Variants in CACNA2D2 observed in about 807,000 individuals in gnomAD.
The protein encoded by CACNA2D2 is voltage-dependent calcium channel subunit alpha-2/delta-2.
A neutral mutation model predicts 166.4 loss-of-function variants in CACNA2D2; 48 were observed. The observed-to-expected ratio is 0.29, with a 90% CI of 0.23 to 0.37. The LOEUF is 0.37. CACNA2D2 is among the 10% of genes least tolerant of loss of function. The pLI is 1.00. For missense variants in CACNA2D2, 1,122 were observed against 1,433.0 expected, an observed-to-expected ratio of 0.78 and a Z score of 3.50; for synonymous variants, 561 against 573.7, an observed-to-expected ratio of 0.98 and a Z score of 0.32.
At chr3:50,389,595 C>A (rs1705788279) in intron 4 of CACNA2D2, among the ~76,000 whole-genome samples, 2 of 152,220 alleles carry the variant, frequency 1.3e-5, no homozygotes, top group South Asian at 2.1e-4. Flanking sequence ...CCTGCCTGCA[C>A]CTGGGTCAAC....
chr3:50,382,793 T>C (rs925605274), intron 6 of CACNA2D2, among the ~76,000 whole-genome samples: 2 of 152,182 alleles, frequency 1.3e-5, no homozygotes, highest in Non-Finnish European at 1.5e-5. Context: ...ATGACAGGCT[T>C]AGAGCAGAGG....
intron 4 of CACNA2D2, among the ~76,000 whole-genome samples, chr3:50,392,887 G>C (rs920176329): frequency 6.6e-6 from 1 of 152,178 alleles, no homozygotes; most frequent in Non-Finnish European, 1.5e-5. Flanking sequence ...GGAGTAACTA[G>C]CTCATTCATT....
intron 22 of CACNA2D2, among the ~76,000 whole-genome samples, chr3:50,373,739 G>A (rs1003453432): frequency 7.3e-6 from 1 of 137,862 alleles, no homozygotes; most frequent in Admixed American, 7.3e-5. Context: ...GGGAGAGAGG[G>A]AAGAAGAGAG....
chr3:50,432,839 G>A (rs1708135639), intron 3 of CACNA2D2, among the ~76,000 whole-genome samples: 1 of 152,220 alleles, frequency 6.6e-6, no homozygotes, highest in Non-Finnish European at 1.5e-5. Flanking sequence ...TCCCATGGGG[G>A]ACAGCAGGGC....
chr3:50,411,076 G>T (rs1234902195), intron 3 of CACNA2D2, among the ~76,000 whole-genome samples: 9 of 152,148 alleles, frequency 5.9e-5, no homozygotes, highest in Admixed American at 3.9e-4. Context: ...GCTGTGTGTG[G>T]GGTGGCTCAC....
intron 1 of CACNA2D2, among the ~76,000 whole-genome samples, chr3:50,497,124 G>A (rs1354670167): frequency 3.3e-5 from 5 of 152,188 alleles, no homozygotes; most frequent in African/African-American, 7.2e-5. Context: ...AAAGGAGGAC[G>A]GGAGGTCCAG....
Position 50,366,479 on chromosome 3 carries a change from G to T in CACNA2D2, c.2637+99C>A. 1 of 1,486,800 alleles carries T rather than the reference G, an allele frequency of 6.7e-7. No individual in the cohort carries two copies. The highest frequency in any genetic ancestry group is 1.1e-5 in the South Asian group (1 of 88,344). 92.1% of individuals were successfully genotyped at this position (1,486,800 alleles called of 1,614,324 possible). ...TGTGAAGTCAGGGTGGGGATGTTGA[G>T]ACCCACAGGCCAAGGGATGTGCTGG... is the stretch of plus-strand genomic sequence containing the variant. On this transcript the variant is annotated intron_variant, in intron 30 of 37. Transcript: ENST00000424201. The surrounding 1 kb of genome is among the most constrained non-coding windows in gnomAD (Gnocchi z 5.9).
chr3:50,377,549 C>T lies in CACNA2D2; in HGVS notation c.1552-8G>A, dbSNP rs372212711. On this transcript the variant is annotated splice_region_variant and splice_polypyrimidine_tract_variant and intron_variant, in intron 16 of 37. Coordinates refer to ENST00000424201, the MANE Select transcript of CACNA2D2 (RefSeq NM_006030.4). ...GCCCAGGATCAGCTGGTTCTGGGAGCAGAAGCATGGGGGGCTCCTCAGTGA... is the reference window on the plus strand; with the variant it reads ...GCCCAGGATCAGCTGGTTCTGGGAGTAGAAGCATGGGGGGCTCCTCAGTGA... 25 of 1,612,944 alleles carry T rather than the reference C, an allele frequency of 1.5e-5. No individual in the cohort carries two copies. The Admixed American group carries it at 4.2e-4, about 27-fold the overall frequency.
chr3:50,368,479 A>G (rs1292173673), intron 23 of CACNA2D2, among the ~76,000 whole-genome samples: 1 of 152,122 alleles, frequency 6.6e-6, no homozygotes, highest in African/African-American at 2.4e-5. Context: ...TCTCCTGGGC[A>G]TGGCTCCGCA....
At chr3:50,417,099 A>C (rs1707301328) in intron 3 of CACNA2D2, among the ~76,000 whole-genome samples, 1 of 152,124 alleles carries the variant, frequency 6.6e-6, no homozygotes, top group African/African-American at 2.4e-5. Flanking sequence ...CCCACATGAG[A>C]GCCTGTGAGA....
chr3:50,454,416 GC>G (rs980615150), intron 2 of CACNA2D2, among the ~76,000 whole-genome samples: 9 of 152,132 alleles, frequency 5.9e-5, no homozygotes, highest in Admixed American at 3.3e-4. Flanking sequence ...CCCCACAACA[GC>G]CCCCCAGCCA....
intron 3 of CACNA2D2, among the ~76,000 whole-genome samples, chr3:50,394,990 A>G (rs897456353): frequency 6.6e-6 from 1 of 152,010 alleles, no homozygotes; most frequent in Non-Finnish European, 1.5e-5. Flanking sequence ...GGGCCCGGCC[A>G]CCCTCTGGGC....
chr3:50,372,868 CA>C (rs375036048), intron 22 of CACNA2D2, among the ~76,000 whole-genome samples: 4 of 152,028 alleles, frequency 2.6e-5, no homozygotes, highest in East Asian at 1.9e-4. Flanking sequence ...CAGGCAGGGC[CA>C]GGGGCACAGG....
chr3:50,448,863 G>A (rs1708980240), intron 2 of CACNA2D2, among the ~76,000 whole-genome samples: 1 of 152,126 alleles, frequency 6.6e-6, no homozygotes, highest in Non-Finnish European at 1.5e-5. Flanking sequence ...CAGACCCTGA[G>A]AACACCCCAT....
At chr3:50,442,340 T>C (rs1708638668) in intron 2 of CACNA2D2, among the ~76,000 whole-genome samples, 4 of 152,212 alleles carry the variant, frequency 2.6e-5, no homozygotes, top group Admixed American at 1.3e-4. Flanking sequence ...CCATCCACGA[T>C]GTATCTCCAA....
In CACNA2D2 at chr3:50,368,209, G is replaced by A; in HGVS notation, c.2072C>T (p.Ser691Leu). The change falls in exon 24 of 38, where the codon TCA (serine) becomes TTA (leucine). Residue 691 changes from serine (S) to leucine (L), a missense_variant. By Grantham distance (145) the Ser-to-Leu change is moderately radical. Around this residue, in one of 2 missense-constraint regions of CACNA2D2, gnomAD observed 840 missense variants for 1,166.8 expected, o/e 0.72. Coordinates refer to ENST00000424201, the MANE Select transcript of CACNA2D2 (RefSeq NM_006030.4). ...PREYCKDLNA[S>L]DNNTEFLKNF... ...TTTCAGGAACTCGGTGTTGTTGTCT[G>A]AGGCATTCAGGTCCTTGCAGTACTC... The A allele has an allele frequency of 1.9e-6, 3 of 1,613,440 alleles. No individual in the cohort carries two copies. The highest frequency in any genetic ancestry group is 2.5e-6 in the Non-Finnish European group (3 of 1,179,444).
At chr3:50,461,327 C>T (rs1293721332) in intron 2 of CACNA2D2, among the ~76,000 whole-genome samples, 2 of 152,174 alleles carry the variant, frequency 1.3e-5, no homozygotes, top group African/African-American at 4.8e-5. Context: ...ATGGTTTCCA[C>T]CCTGGACTTC....
At chr3:50,384,031 C>T (rs1705459328) in intron 6 of CACNA2D2, among the ~76,000 whole-genome samples, 165 bp downstream of exon 6, 1 of 152,190 alleles carries the variant, frequency 6.6e-6, no homozygotes, top group Non-Finnish European at 1.5e-5. Flanking sequence ...TGCTTGATGC[C>T]CACATGTGGG....
In CACNA2D2 at chr3:50,366,552, C is replaced by T. The variant is rs373554536; in HGVS notation, c.2637+26G>A. 3.5e-5 allele frequency: 56 copies of T among 1,613,006 alleles called. No individual in the cohort carries two copies. The highest frequency in any genetic ancestry group is 2.4e-4 in the African/African-American group (18 of 74,992). On this transcript the variant is annotated intron_variant, in intron 30 of 37. Transcript: ENST00000424201. This position sits in a 1 kb window ranked among gnomAD's most constrained non-coding sequence, Gnocchi z 5.9. The stretch of plus-strand genomic sequence containing the variant: ...GTCTGGAAGTGGGGTAAGCTAGGGT[C>T]CAGGGTAGGTTCAGGGCACACACAC...
Sources: gnomAD v4.1 joint callset for allele counts (sites outside exome capture counted in the v4.1 genomes callset) on GRCh38, gnomAD v4.1.1 for gene constraint, gnomAD v4.1.1 regional missense constraint, Gnocchi (gnomAD v3.1) non-coding constraint, MANE v1.5 for transcripts, NCBI Gene and HGNC (gene_info 2026-07-23, HGNC 2026-07-21) for gene names.